Variants in FGF13 observed in about 807,000 individuals in gnomAD.
FGF13 encodes fibroblast growth factor homologous factor 2.
A neutral mutation model predicts 19.5 loss-of-function variants in FGF13; 2 were observed. The observed-to-expected ratio is 0.10, with a 90% confidence interval of 0.04 to 0.32. The LOEUF is 0.32. Among genes scored for constraint, FGF13 ranks in the 10% least tolerant of loss-of-function variants. The pLI is 1.00. For missense variants in FGF13, 113 were observed against 192.7 expected (o/e 0.59, Z 2.45); for synonymous variants, 72 against 76.9 (o/e 0.94, Z 0.33).
At chrX:138,849,138 C>G (rs2091205149) in intron 3 of FGF13, among the ~76,000 whole-genome samples, 1 of 111,502 alleles carries the variant, frequency 9.0e-6, no homozygotes, top group Non-Finnish European at 1.9e-5. Context: ...CCAGCAGAGC[C>G]TTTCCCAAAG....
At chrX:138,830,687 TTGTGTGTGTGTG>T (rs144759178) in intron 3 of FGF13, among the ~76,000 whole-genome samples, 16 of 87,517 alleles carry the variant, frequency 1.8e-4, no homozygotes, top group Admixed American at 4.1e-4. Context: ...AAAGGGGTGT[TTGTGTGTGTGTG>T]TGTGTGTGTG....
Position 139,113,215 on chromosome X carries a change from C to T in FGF13, c.-113+90201G>A, listed in dbSNP as rs374253492. Among the ~76,000 whole-genome samples the T allele has an allele frequency of 6.3e-5, 7 of 110,478 alleles. No homozygotes were observed. In the East Asian group the frequency reaches 8.6e-4, roughly 13 times the overall value. ...CCACAGAGACCTCGTGGGATTCAGT[C>T]GCATTCAAGAGCTCCAGATCAACCC... On this transcript the variant is annotated intron_variant, in intron 1 of 2. Coordinates refer to the FGF13 transcript ENST00000421460.
intron 3 of FGF13, among the ~76,000 whole-genome samples, chrX:138,784,007 C>T (rs1407326010): frequency 1.0e-5 from 1 of 100,093 alleles, no homozygotes; most frequent in Non-Finnish European, 2.0e-5. Flanking sequence ...GAGTTCATGT[C>T]CTTTGTAGGG....
intron 3 of FGF13, among the ~76,000 whole-genome samples, chrX:138,672,221 C>A (rs373816440): frequency 3.6e-5 from 4 of 111,184 alleles, no homozygotes; most frequent in African/African-American, 1.3e-4. Context: ...GAAATCTGAA[C>A]AGAGGAGTTG....
At chrX:138,715,508 T>A (rs1240208959), upstream of FGF13, among the ~76,000 whole-genome samples, 1 of 112,654 alleles carries the variant, frequency 8.9e-6, no homozygotes. Context: ...CTGTTTTATA[T>A]AGTGGAGCTC....
rs1166357629 is a variant in FGF13, at chrX:138,619,567, T to G, written c.*13283A>C. The G allele has an allele frequency of 9.1e-6, 1 of 110,094 alleles. No homozygotes were observed. The highest frequency in any genetic ancestry group is 1.9e-5 in the Non-Finnish European group (1 of 52,803). The allele number at this position is 110,094 out of a possible 1,213,427, so 9.1% of individuals were successfully genotyped here. On this transcript the variant is annotated 3_prime_UTR_variant, in exon 5 of 5. Transcript: ENST00000315930. ...AGTGGGAGAAAATTTTTGCAATCTA[T>G]CCATCTGACAACGGTCTAATATCCA...
At chrX:139,083,318 C>A (rs2083383088) in intron 1 of FGF13, among the ~76,000 whole-genome samples, 1 of 111,696 alleles carries the variant, frequency 9.0e-6, no homozygotes. Context: ...ATGTATCGTG[C>A]CCCAGTGCTC....
chrX:139,073,653 T>C (rs1299458751), intron 1 of FGF13, among the ~76,000 whole-genome samples: 1 of 111,892 alleles, frequency 8.9e-6, no homozygotes, highest in East Asian at 2.8e-4. Flanking sequence ...TCTTTGAAGA[T>C]ATCTAGCCCA....
chrX:139,159,655 C>CAAAAA (rs550001786), intron 1 of FGF13, among the ~76,000 whole-genome samples: 2 of 51,669 alleles, frequency 3.9e-5, no homozygotes, highest in African/African-American at 7.5e-5. Context: ...AAAGAGAAAG[C>CAAAAA]AAAAAAAAAA....
chrX:138,859,093 C>T (rs2091274686), intron 2 of FGF13, among the ~76,000 whole-genome samples: 1 of 111,991 alleles, frequency 8.9e-6, no homozygotes, highest in Non-Finnish European at 1.9e-5. Context: ...CATAGACACA[C>T]CACGATAGCT....
chrX:138,736,576 C>T, intron 1 of FGF13, among the ~76,000 whole-genome samples: 1 of 109,966 alleles, frequency 9.1e-6, no homozygotes, highest in Middle Eastern at 4.7e-3. Flanking sequence ...AATGAGTGAT[C>T]TATAGAACAG....
intron 1 of FGF13, among the ~76,000 whole-genome samples, chrX:139,005,058 A>G (rs2092094609): frequency 9.0e-6 from 1 of 111,258 alleles, no homozygotes; most frequent in Non-Finnish European, 1.9e-5. Flanking sequence ...GTAGAGCCCC[A>G]GGGCCCTGAA....
chrX:138,637,537 C>G (rs757470602), intron 3 of FGF13, among the ~76,000 whole-genome samples: 1 of 112,264 alleles, frequency 8.9e-6, no homozygotes, highest in African/African-American at 3.2e-5. Context: ...ATTGCATATT[C>G]TAAGTCAGGT....
chrX:138,787,043 T>C (rs991758908), intron 3 of FGF13, among the ~76,000 whole-genome samples: 8 of 112,904 alleles, frequency 7.1e-5, no homozygotes, highest in Non-Finnish European at 3.7e-5. Flanking sequence ...TGTCACTATC[T>C]GCTCACTTAC....
At chrX:138,865,188 C>A (rs761381125) in intron 1 of FGF13, among the ~76,000 whole-genome samples, 1 of 111,809 alleles carries the variant, frequency 8.9e-6, no homozygotes, top group African/African-American at 3.3e-5. Flanking sequence ...CTGCCCAGTA[C>A]GAACGCAATC....
intron 3 of FGF13, among the ~76,000 whole-genome samples, chrX:138,666,918 T>G (rs1341406182): frequency 4.5e-5 from 5 of 110,081 alleles, no homozygotes; most frequent in Non-Finnish European, 9.5e-5. Context: ...CTAAATAGAT[T>G]ATTACTATTC....
At position 138,778,631 on chromosome X, in the gene FGF13, G is replaced by A. The variant is rs149119173; in HGVS notation, c.218-69703C>T. Among the ~76,000 whole-genome samples the A allele has an allele frequency of 8.5e-3, 954 of 112,293 alleles. 8 individuals are homozygous for A. The highest frequency in any genetic ancestry group is 0.029 in the African/African-American group (886 of 30,869). On this transcript the variant is annotated intron_variant, in intron 3 of 6. Transcript: ENST00000436198. ...GACAGGCTTAAAAAACGGCACACCG[G>A]GAGAATATATCCCGCACCTGGCTCG...
chrX:138,763,422 T>C (rs1180466342), intron 3 of FGF13, among the ~76,000 whole-genome samples: 1 of 111,839 alleles, frequency 8.9e-6, no homozygotes, highest in Non-Finnish European at 1.9e-5. Context: ...CCACAAGTGT[T>C]TGTAGTCCTT....
chrX:139,203,405 G>C (rs1259362359), intron 1 of FGF13: 1 of 109,183 alleles, frequency 9.2e-6, no homozygotes, highest in East Asian at 3.0e-4. Flanking sequence ...CAGGGCACCA[G>C]GGTTGCTCAC....
Sources: gnomAD v4.1 joint callset for allele counts (sites outside exome capture counted in the v4.1 genomes callset) on GRCh38, gnomAD v4.1.1 for gene constraint, MANE v1.5 for transcripts, NCBI Gene and HGNC (gene_info 2026-07-23, HGNC 2026-07-21) for gene names.